TAFA1: variants seen among roughly 807,000 people sequenced by gnomAD.
TAFA1 encodes TAFA chemokine like family member 1, also known as chemokine-like protein TAFA-1.
Under a neutral mutation model 18.5 loss-of-function variants are expected in TAFA1, and 4 were observed. The ratio of observed to expected loss-of-function variants is 0.22; its 90% CI spans 0.11 to 0.49. TAFA1 has a LOEUF of 0.49. Among genes scored for constraint, TAFA1 ranks in the 20% least tolerant of loss-of-function variants. The pLI, the probability that TAFA1 is intolerant of heterozygous loss-of-function variation, is 0.98. For missense variants in TAFA1, 147 were observed against 169.0 expected (o/e 0.87, Z 0.72); for synonymous variants, 56 against 55.2 (o/e 1.01, Z -0.06).
At chr3:68,544,127 A>G (rs1015088044) in intron 4 of TAFA1, among the ~76,000 whole-genome samples, 1 of 152,068 alleles carries the variant, frequency 6.6e-6, no homozygotes, top group Non-Finnish European at 1.5e-5. Flanking sequence ...TAATCTCAAG[A>G]TGGCAACAGA....
At chr3:68,393,065 G>A (rs901115546) in intron 2 of TAFA1, among the ~76,000 whole-genome samples, 12 of 152,158 alleles carry the variant, frequency 7.9e-5, no homozygotes, top group Non-Finnish European at 1.5e-4. Context: ...AATGAGTCCA[G>A]GAGCTGGTTT....
At chr3:68,355,743 C>T (rs1272098165) in intron 2 of TAFA1, among the ~76,000 whole-genome samples, 1 of 151,878 alleles carries the variant, frequency 6.6e-6, no homozygotes, top group Non-Finnish European at 1.5e-5. Context: ...TAGAGGGAAA[C>T]AGATGTTAAT....
chr3:68,402,930 C>T (rs1187386058), intron 2 of TAFA1, among the ~76,000 whole-genome samples: 1 of 152,180 alleles, frequency 6.6e-6, no homozygotes, highest in African/African-American at 2.4e-5. Context: ...ATCTCTTTTG[C>T]TGTCATCATC....
At chr3:68,016,800 C>T (rs1010680296) in intron 2 of TAFA1, among the ~76,000 whole-genome samples, 5 of 152,280 alleles carry the variant, frequency 3.3e-5, no homozygotes, top group Admixed American at 3.3e-4. Flanking sequence ...GCAACATATT[C>T]TCATGACCCA....
chr3:68,181,428 A>T (rs903697309), intron 2 of TAFA1, among the ~76,000 whole-genome samples: 3 of 152,074 alleles, frequency 2.0e-5, no homozygotes, highest in Non-Finnish European at 4.4e-5. Context: ...AAGGCAGTAA[A>T]TTTTTCTGTT....
chr3:68,363,954 C>T (rs551608841), intron 2 of TAFA1, among the ~76,000 whole-genome samples: 2 of 152,218 alleles, frequency 1.3e-5, no homozygotes, highest in Admixed American at 1.3e-4. Context: ...GTTCAACATG[C>T]CATGAAAAAC....
At chr3:68,356,887 G>A (rs1381186593) in intron 2 of TAFA1, among the ~76,000 whole-genome samples, 1 of 151,808 alleles carries the variant, frequency 6.6e-6, no homozygotes, top group Non-Finnish European at 1.5e-5. Context: ...AAATTTAAAT[G>A]CTTTGCTTAA....
At chr3:68,217,605 GAAGTGTACCATACTAATACTAATGT>G (rs1251672781) in intron 2 of TAFA1, among the ~76,000 whole-genome samples, 1 of 151,976 alleles carries the variant, frequency 6.6e-6, no homozygotes, top group African/African-American at 2.4e-5. Flanking sequence ...TTAATTGTAA[GAAGTGTACCATACTAATACTAATGT>G]AAGACATTAA....
chr3:68,242,269 C>A (rs1185828957), intron 2 of TAFA1, among the ~76,000 whole-genome samples: 1 of 152,140 alleles, frequency 6.6e-6, no homozygotes, highest in Non-Finnish European at 1.5e-5. Flanking sequence ...TTCTAATGAA[C>A]CCTTCCAGTC....
chr3:68,347,648 A>C (rs1199375033), intron 2 of TAFA1, among the ~76,000 whole-genome samples: 1 of 152,254 alleles, frequency 6.6e-6, no homozygotes, highest in African/African-American at 2.4e-5. Context: ...CTTTATTTAC[A>C]GTAACAGATA....
intron 3 of TAFA1, among the ~76,000 whole-genome samples, chr3:68,465,482 G>A (rs979356372): frequency 4.6e-5 from 7 of 152,126 alleles, no homozygotes; most frequent in African/African-American, 9.7e-5. Flanking sequence ...AATTTGCTAG[G>A]TCCTGTCCAG....
upstream of TAFA1, among the ~76,000 whole-genome samples, chr3:67,999,280 CCTCTCTCT>C (rs1414302526): frequency 4.0e-5 from 6 of 149,788 alleles, no homozygotes; most frequent in African/African-American, 1.2e-4. Context: ...CCCCCCCCCC[CCTCTCTCT>C]GTGTGTGTGT....
At chr3:68,065,728 ATG>A (rs71884644) in intron 2 of TAFA1, among the ~76,000 whole-genome samples, 1,929 of 142,376 alleles carry the variant, frequency 0.014, 45 homozygotes, top group African/African-American at 0.043. Flanking sequence ...GTTTGTGTGT[ATG>A]TGTGTGTGTG....
At chr3:68,069,425 C>A (rs933535292) in intron 2 of TAFA1, among the ~76,000 whole-genome samples, 1 of 152,276 alleles carries the variant, frequency 6.6e-6, no homozygotes, top group East Asian at 1.9e-4. Flanking sequence ...GACCTGCTCC[C>A]ATGATTCAAC....
intron 2 of TAFA1, among the ~76,000 whole-genome samples, chr3:68,015,124 C>T (rs999494661): frequency 6.6e-6 from 1 of 152,054 alleles, no homozygotes; most frequent in Non-Finnish European, 1.5e-5. Flanking sequence ...TGGTGTAGTC[C>T]TGTACTGAGT....
At chr3:68,067,069 G>T (rs753510743) in intron 2 of TAFA1, among the ~76,000 whole-genome samples, 2 of 152,182 alleles carry the variant, frequency 1.3e-5, no homozygotes, top group Admixed American at 6.5e-5. Flanking sequence ...GGTGACTGGC[G>T]TAGAGCCAGG....
At chr3:68,187,020 T>A (rs2066279909) in intron 2 of TAFA1, among the ~76,000 whole-genome samples, 2 of 152,030 alleles carry the variant, frequency 1.3e-5, no homozygotes, top group South Asian at 4.1e-4. Context: ...ATCCATCCCA[T>A]CTTTAAGTTT....
At chr3:68,323,087 A>T (rs754584237) in intron 2 of TAFA1, among the ~76,000 whole-genome samples, 2 of 152,192 alleles carry the variant, frequency 1.3e-5, no homozygotes, top group Non-Finnish European at 2.9e-5. Flanking sequence ...ATCTTAAAAG[A>T]TGTTTTGAAA....
chr3:68,516,425 G>T (rs988363607), intron 3 of TAFA1, among the ~76,000 whole-genome samples: 3 of 152,104 alleles, frequency 2.0e-5, no homozygotes, highest in African/African-American at 7.2e-5. Context: ...GCCTTGGTTT[G>T]TACATTTTTT....
Sources: gnomAD v4.1 joint callset for allele counts (sites outside exome capture counted in the v4.1 genomes callset) on GRCh38, gnomAD v4.1.1 for gene constraint, MANE v1.5 for transcripts, NCBI Gene and HGNC (gene_info 2026-07-23, HGNC 2026-07-21) for gene names.